COPS4: variants seen among roughly 807,000 people sequenced by gnomAD.
COPS4 encodes COP9 signalosome subunit 4.
COPS4 carries 8 observed loss-of-function variants against 55.1 expected under a neutral mutation model. The ratio of observed to expected loss-of-function variants is 0.15; its 90% CI spans 0.09 to 0.26. The LOEUF is 0.26. Among genes scored for constraint, COPS4 ranks in the 10% least tolerant of loss-of-function variants. The pLI is 1.00. For missense variants in COPS4, 248 were observed against 484.0 expected (o/e 0.51, Z 4.58); for synonymous variants, 185 against 165.7 (o/e 1.12, Z -0.90).
chr4:83,070,142 C>T (rs1184184331), intron 9 of COPS4, among the ~76,000 whole-genome samples: 1 of 152,154 alleles, frequency 6.6e-6, no homozygotes, highest in Non-Finnish European at 1.5e-5. Flanking sequence ...TCTACTTTTC[C>T]TCTTATATCT....
chr4:83,074,851 G>A (rs1375671994), intron 9 of COPS4, among the ~76,000 whole-genome samples: 6 of 151,954 alleles, frequency 3.9e-5, no homozygotes, highest in South Asian at 4.2e-4. Flanking sequence ...GGCTGGACGC[G>A]GTGGCTCATG....
chr4:83,055,525 C>G (rs1730992601), intron 4 of COPS4, among the ~76,000 whole-genome samples: 1 of 151,696 alleles, frequency 6.6e-6, no homozygotes, highest in South Asian at 2.1e-4. Flanking sequence ...CTTACTGCAA[C>G]CTCCACCTCC....
chr4:83,059,233 C>A (rs1188236317), intron 6 of COPS4, among the ~76,000 whole-genome samples: 2 of 151,892 alleles, frequency 1.3e-5, no homozygotes, highest in East Asian at 3.8e-4. Context: ...ACATTTTTGC[C>A]ATGCAGAACC....
intron 4 of COPS4, among the ~76,000 whole-genome samples, chr4:83,050,241 G>A (rs910851068): frequency 6.6e-6 from 1 of 152,120 alleles, no homozygotes; most frequent in Non-Finnish European, 1.5e-5. Context: ...AGGAGATAAG[G>A]GAGTAGCTAA....
intron 3 of COPS4, among the ~76,000 whole-genome samples, 189 bp from the exon 4 acceptor site, chr4:83,049,692 T>C (rs775610157): frequency 5.9e-5 from 9 of 152,340 alleles, no homozygotes; most frequent in Admixed American, 2.6e-4. Context: ...AATGTGTTGC[T>C]TCCGTTCACT....
chr4:83,042,809 T>C (rs1730601502), intron 1 of COPS4, among the ~76,000 whole-genome samples: 1 of 152,126 alleles, frequency 6.6e-6, no homozygotes, highest in South Asian at 2.1e-4. Context: ...TTTACTATGT[T>C]GCTCAGACTG....
Position 83,050,002 on chromosome 4 carries a change from T to A in COPS4, c.410+18T>A. Reference sequence around the variant, plus strand: ...GGACAAAAGTATAGTAAATAGTGGATATTGGATGACTATATATAGGATGTA... The same window carrying A: ...GGACAAAAGTATAGTAAATAGTGGAAATTGGATGACTATATATAGGATGTA... On this transcript the variant is annotated intron_variant, in intron 4 of 9. Transcript: ENST00000264389. 7.0e-7 allele frequency: 1 copy of A among 1,435,288 alleles called. No individual in the cohort carries two copies. Among genetic ancestry groups the A allele is most frequent in the South Asian group, 1.2e-5 (1 of 84,506 alleles). 88.9% of individuals were successfully genotyped at this position (1,435,288 alleles called of 1,614,324 possible).
intron 7 of COPS4, 34 bp from the exon 8 acceptor site, chr4:83,066,404 T>A: frequency 8.7e-7 from 1 of 1,143,042 alleles, no homozygotes; most frequent in East Asian, 2.5e-5. Flanking sequence ...ATAAAACTAG[T>A]TTCAAACTTG....
At chr4:83,058,545 CTTAT>C (rs1449442952) in intron 6 of COPS4, among the ~76,000 whole-genome samples, 1 of 152,088 alleles carries the variant, frequency 6.6e-6, no homozygotes, top group African/African-American at 2.4e-5. Context: ...GACTAGTTAT[CTTAT>C]TTATTTTATT....
intron 9 of COPS4, among the ~76,000 whole-genome samples, chr4:83,069,206 T>C (rs2126134699): frequency 6.6e-6 from 1 of 152,312 alleles, no homozygotes; most frequent in South Asian, 2.1e-4. Context: ...CATTGTCTAA[T>C]ACCTTCCCAG....
chr4:83,068,566 A>G (rs747520223), intron 9 of COPS4, 44 bp downstream of exon 9: 3 of 1,208,272 alleles, frequency 2.5e-6, no homozygotes, highest in South Asian at 1.2e-5. Flanking sequence ...ATAGCAGTGA[A>G]CTGTTATATT....
chr4:83,058,009 C>T (rs569302310), intron 6 of COPS4, among the ~76,000 whole-genome samples: 11 of 147,556 alleles, frequency 7.5e-5, no homozygotes, highest in South Asian at 4.3e-4. Flanking sequence ...TTGAGAATTA[C>T]GCAGAGTGAA....
chr4:83,037,777 G>A (rs568724929), intron 1 of COPS4, among the ~76,000 whole-genome samples: 1 of 152,132 alleles, frequency 6.6e-6, no homozygotes, highest in East Asian at 1.9e-4. Flanking sequence ...CATCAATACT[G>A]TGTGTTCCTA....
intron 9 of COPS4, among the ~76,000 whole-genome samples, chr4:83,070,964 CT>C (rs1264741219): frequency 3.3e-5 from 5 of 152,112 alleles, no homozygotes; most frequent in African/African-American, 2.4e-5. Context: ...ATTCTTCCCC[CT>C]ATCAAACATT....
chr4:83,041,916 G>A (rs1730578395), intron 1 of COPS4, among the ~76,000 whole-genome samples: 1 of 150,476 alleles, frequency 6.6e-6, no homozygotes, highest in Non-Finnish European at 1.5e-5. Context: ...CCAGGCTGAA[G>A]TGCAGCAGCG....
At chr4:83,066,619 A>T in intron 8 of COPS4, 66 bp downstream of exon 8, 1 of 736,902 alleles carries the variant, frequency 1.4e-6, no homozygotes, top group Non-Finnish European at 2.3e-6. Context: ...ATAATGAGAA[A>T]ATAAAATAAA....
intron 7 of COPS4, among the ~76,000 whole-genome samples, chr4:83,064,869 C>CTTTTTTTTTTTTTTT (rs140166684): frequency 6.8e-5 from 5 of 73,628 alleles, no homozygotes; most frequent in East Asian, 5.5e-4. Context: ...TAAGCAGTCC[C>CTTTTTTTTTTTTTTT]TTTTTTTTTT....
chr4:83,042,628 A>G (rs1335732343), intron 1 of COPS4, among the ~76,000 whole-genome samples: 1 of 150,594 alleles, frequency 6.6e-6, no homozygotes, highest in East Asian at 2.0e-4. Context: ...TTGAGATGAG[A>G]TATCACTCTG....
At chr4:83,060,564 C>T (rs1731139492) in intron 6 of COPS4, among the ~76,000 whole-genome samples, 1 of 151,556 alleles carries the variant, frequency 6.6e-6, no homozygotes, top group East Asian at 2.0e-4. Context: ...CCTCGGCCTC[C>T]CAAAGTGCTG....
Sources: gnomAD v4.1 joint callset for allele counts (sites outside exome capture counted in the v4.1 genomes callset) on GRCh38, gnomAD v4.1.1 for gene constraint, MANE v1.5 for transcripts, NCBI Gene and HGNC (gene_info 2026-07-23, HGNC 2026-07-21) for gene names.